Variants in BET1 observed in about 807,000 individuals in gnomAD.
BET1 encodes BET1 homolog.
Under a neutral mutation model 13.9 loss-of-function variants are expected in BET1, and 9 were observed. That is an observed-to-expected ratio of 0.65 (90% confidence interval 0.39 to 1.13). The LOEUF (loss-of-function observed/expected upper bound fraction) is 1.13. Ranked by LOEUF, BET1 falls within the 50% of genes most tolerant of loss-of-function variation. The pLI is 0.01. For missense variants in BET1, 127 were observed against 133.6 expected (o/e 0.95, Z 0.24); for synonymous variants, 39 against 47.3 (o/e 0.82, Z 0.72).
At chr7:94,002,343 A>G (rs1033696268) in intron 1 of BET1, among the ~76,000 whole-genome samples, 16 of 152,118 alleles carry the variant, frequency 1.1e-4, no homozygotes, top group Non-Finnish European at 2.1e-4. Context: ...TTTAAAAAAA[A>G]AGAAAAGAAA....
At chr7:93,979,433 C>T (rs1189878040) in intron 4 of BET1, among the ~76,000 whole-genome samples, 2 of 152,092 alleles carry the variant, frequency 1.3e-5, no homozygotes, top group Admixed American at 6.5e-5. Context: ...AATTAGTGAA[C>T]TTTAACATTC....
intron 3 of BET1, among the ~76,000 whole-genome samples, chr7:93,994,909 T>A (rs1419505206): frequency 6.6e-6 from 1 of 152,226 alleles, no homozygotes; most frequent in African/African-American, 2.4e-5. Context: ...AGTGGTGCAA[T>A]CTCAGCTCAC....
At chr7:93,975,757 A>T in intron 5 of BET1, 1 of 258,522 alleles carries the variant, frequency 3.9e-6, no homozygotes, top group Non-Finnish European at 6.9e-6. Flanking sequence ...TATAATGGGT[A>T]TAGGTGGAAA....
intron 2 of BET1, among the ~76,000 whole-genome samples, chr7:93,996,971 G>T (rs1156230805): frequency 6.8e-6 from 1 of 146,606 alleles, no homozygotes; most frequent in Non-Finnish European, 1.6e-5. Context: ...TTTTTCCTTA[G>T]TTTAAAGGTT....
chr7:93,979,428 G>A (rs1051847713), intron 4 of BET1, among the ~76,000 whole-genome samples: 1 of 152,032 alleles, frequency 6.6e-6, no homozygotes, highest in Non-Finnish European at 1.5e-5. Context: ...TCATAAATTA[G>A]TGAACTTTAA....
At chr7:93,974,473 A>AAAAAAG (rs1454649588) in intron 5 of BET1, among the ~76,000 whole-genome samples, 2 of 152,024 alleles carry the variant, frequency 1.3e-5, no homozygotes, top group Non-Finnish European at 2.9e-5. Flanking sequence ...GACAGTGCTC[A>AAAAAAG]AAAAAGAATA....
At position 93,993,781 on chromosome 7, in the gene BET1, C is replaced by T. The variant is rs1795691800; in HGVS notation, c.*449G>A. On this transcript the variant is annotated 3_prime_UTR_variant, in exon 4 of 4. Transcript: ENST00000222547. ...AGGAGGAGAAGGGAGTATATCATTA[C>T]AGTTGATGCAGTTAGGAAAATTCAA... 3 of 1,503,174 alleles carry T rather than the reference C, an allele frequency of 2.0e-6. No individual in the cohort carries two copies. Among genetic ancestry groups the T allele is most frequent in the African/African-American group, 1.4e-5 (1 of 71,770 alleles). 93.1% of individuals were successfully genotyped at this position (1,503,174 alleles called of 1,614,324 possible).
downstream of BET1, among the ~76,000 whole-genome samples, chr7:93,990,650 T>C (rs961441718): frequency 6.6e-5 from 10 of 152,256 alleles, no homozygotes; most frequent in East Asian, 1.7e-3. Context: ...ATAACCCATG[T>C]TGAAATTAGC....
At chr7:94,000,179 A>T (rs1226746265) in intron 1 of BET1, 1 of 149,044 alleles carries the variant, frequency 6.7e-6, no homozygotes, top group African/African-American at 2.5e-5. Flanking sequence ...ATCTCGGCTC[A>T]CTGCAAGCTC....
chr7:93,981,936 G>A (rs371630486), intron 4 of BET1, among the ~76,000 whole-genome samples: 6 of 152,146 alleles, frequency 3.9e-5, no homozygotes, highest in Admixed American at 1.3e-4. Flanking sequence ...CAAAGAAAGC[G>A]GAGGATTGTG....
intron 3 of BET1, among the ~76,000 whole-genome samples, chr7:93,995,532 T>C (rs1219703999): frequency 6.6e-6 from 1 of 152,200 alleles, no homozygotes; most frequent in African/African-American, 2.4e-5. Flanking sequence ...GAGATGCTTT[T>C]TTCAAAATAT....
chr7:93,985,010 C>T (rs1281476054), intron 4 of BET1, among the ~76,000 whole-genome samples: 3 of 152,074 alleles, frequency 2.0e-5, no homozygotes, highest in African/African-American at 7.2e-5. Flanking sequence ...TATATATTCT[C>T]ACTCTATATT....
At position 93,994,388 on chromosome 7, in the gene BET1, A is replaced by G. The variant is rs777155325; in HGVS notation, c.202-3T>C. On this transcript the variant is annotated splice_polypyrimidine_tract_variant and splice_region_variant and intron_variant, in intron 3 of 3. Coordinates refer to ENST00000222547, the MANE Select transcript of BET1 (RefSeq NM_005868.6). ...GTTGTGGAATCAAATTGTGAATCCT[A>G]TCAGAGATAAAGGCAAATAAAATAT... is the stretch of plus-strand genomic sequence containing the variant. 2.5e-6 allele frequency: 4 copies of G among 1,610,174 alleles called. No homozygotes were observed. Among genetic ancestry groups the G allele is most frequent in the East Asian group, 2.2e-5 (1 of 44,808 alleles).
At chr7:93,999,130 A>G in intron 2 of BET1, 40 bp downstream of exon 2, 1 of 1,409,510 alleles carries the variant, frequency 7.1e-7, no homozygotes, top group South Asian at 1.3e-5. Context: ...GTATAGAAAT[A>G]TATGAATTAA....
intron 1 of BET1, among the ~76,000 whole-genome samples, chr7:94,001,781 C>A (rs1795909236): frequency 1.3e-5 from 2 of 152,224 alleles, no homozygotes; most frequent in South Asian, 4.1e-4. Flanking sequence ...GAGTATATAA[C>A]ATTTACCCAA....
chr7:93,988,493 G>A (rs1245222500), downstream of BET1, among the ~76,000 whole-genome samples: 2 of 152,266 alleles, frequency 1.3e-5, no homozygotes, highest in East Asian at 3.9e-4. Context: ...TAAGTCATGA[G>A]TAAATATGCA....
chr7:93,987,938 A>G (rs750699342), intron 4 of BET1, among the ~76,000 whole-genome samples: 28 of 152,312 alleles, frequency 1.8e-4, no homozygotes, highest in Middle Eastern at 3.4e-3. Flanking sequence ...TAATTTAGCA[A>G]TAATTTTTGG....
chr7:93,992,659 G>C, downstream of BET1: 1 of 985,106 alleles, frequency 1.0e-6, no homozygotes, highest in Non-Finnish European at 1.2e-6. Flanking sequence ...CTATTGTCTT[G>C]TCCTTAAAAT....
exon 5 of BET1, chr7:93,975,963 T>C: frequency 7.9e-7 from 1 of 1,266,176 alleles, no homozygotes. Context: ...CATGATATAA[T>C]TCTGCAGCTG....
Sources: allele counts gnomAD v4.1 joint callset (sites outside exome capture counted in the v4.1 genomes callset), GRCh38; gene constraint gnomAD v4.1.1; transcripts MANE v1.5; gene names NCBI Gene and HGNC (gene_info 2026-07-23, HGNC 2026-07-21).